Variants in NXPH2 observed in about 807,000 individuals in gnomAD.
NXPH2 encodes the protein neurexophilin-2.
A neutral mutation model predicts 19.8 loss-of-function variants in NXPH2; 5 were observed. The ratio of observed to expected loss-of-function variants is 0.25; its 90% CI spans 0.13 to 0.53. The LOEUF is 0.53. Ranked by LOEUF, NXPH2 falls within the 20% of genes least tolerant of loss-of-function variation. NXPH2 has a pLI of 0.96. For missense variants in NXPH2, 289 were observed against 322.8 expected (o/e 0.90, Z 0.80); for synonymous variants, 154 against 127.4 (o/e 1.21, Z -1.41).
chr2:138,681,841 T>A (rs892530518), intron 1 of NXPH2, among the ~76,000 whole-genome samples: 1 of 152,200 alleles, frequency 6.6e-6, no homozygotes, highest in Non-Finnish European at 1.5e-5. Context: ...AATAAGTGGT[T>A]TTCTGAATGG....
intron 1 of NXPH2, among the ~76,000 whole-genome samples, chr2:138,694,774 T>C (rs771585098): frequency 8.5e-5 from 13 of 152,188 alleles, no homozygotes; most frequent in Non-Finnish European, 1.5e-4. Flanking sequence ...AGAATATCAA[T>C]AAGTTACACA....
intron 1 of NXPH2, among the ~76,000 whole-genome samples, chr2:138,740,828 G>T (rs902873244): frequency 6.6e-6 from 1 of 151,856 alleles, no homozygotes; most frequent in African/African-American, 2.4e-5. Flanking sequence ...GTATGTATTA[G>T]GTATGAAATG....
intron 1 of NXPH2, among the ~76,000 whole-genome samples, chr2:138,705,736 C>A (rs148887245): frequency 2.0e-5 from 3 of 152,314 alleles, no homozygotes; most frequent in Non-Finnish European, 4.4e-5. Flanking sequence ...CTGCCTAGAA[C>A]TTTATTCAGT....
intron 1 of NXPH2, among the ~76,000 whole-genome samples, chr2:138,674,640 A>G (rs371960285): frequency 1.3e-5 from 2 of 152,192 alleles, no homozygotes; most frequent in African/African-American, 4.8e-5. Flanking sequence ...ATTTGGTAAT[A>G]GCCCATGGAG....
intron 1 of NXPH2, among the ~76,000 whole-genome samples, chr2:138,777,104 C>A (rs1157662722): frequency 2.6e-5 from 4 of 151,766 alleles, no homozygotes; most frequent in Admixed American, 2.6e-4. Flanking sequence ...TTTTAATCTT[C>A]TTTTTACTTA....
At chr2:138,768,682 C>T (rs562783015) in intron 1 of NXPH2, among the ~76,000 whole-genome samples, 148 of 152,330 alleles carry the variant, frequency 9.7e-4, no homozygotes, top group African/African-American at 3.3e-3. Context: ...AATTTCTTCT[C>T]TGCTTAAGTT....
chr2:138,731,141 T>G (rs1681442174), intron 1 of NXPH2, among the ~76,000 whole-genome samples: 2 of 152,210 alleles, frequency 1.3e-5, no homozygotes, highest in Admixed American at 1.3e-4. Flanking sequence ...CTGCCTCCAT[T>G]GTGCTGCTTG....
At chr2:138,755,907 T>C (rs946934843) in intron 1 of NXPH2, among the ~76,000 whole-genome samples, 2 of 152,040 alleles carry the variant, frequency 1.3e-5, no homozygotes, top group Admixed American at 1.3e-4. Context: ...AGATTTATAC[T>C]TAAATATTTC....
At chr2:138,773,212 G>C (rs566409468) in intron 1 of NXPH2, among the ~76,000 whole-genome samples, 1 of 152,328 alleles carries the variant, frequency 6.6e-6, no homozygotes, top group Admixed American at 6.5e-5. Context: ...GGTAGGAACT[G>C]AGATACAAGC....
At chr2:138,705,935 T>C (rs1057447765) in intron 1 of NXPH2, among the ~76,000 whole-genome samples, 2 of 152,216 alleles carry the variant, frequency 1.3e-5, no homozygotes, top group Non-Finnish European at 2.9e-5. Context: ...TCACTCTGAT[T>C]GTGATCCTGT....
intron 1 of NXPH2, among the ~76,000 whole-genome samples, chr2:138,763,488 T>C (rs539971121): frequency 6.6e-6 from 1 of 152,310 alleles, no homozygotes; most frequent in South Asian, 2.1e-4. Context: ...ATGTGGATGT[T>C]GTTGACTGAA....
chr2:138,721,526 A>G (rs1573966358), intron 1 of NXPH2, among the ~76,000 whole-genome samples: 1 of 152,114 alleles, frequency 6.6e-6, no homozygotes, highest in East Asian at 1.9e-4. Flanking sequence ...CCTCCTGACA[A>G]CAATATGGAG....
intron 1 of NXPH2, among the ~76,000 whole-genome samples, chr2:138,678,106 ACTTGT>A (rs1265314003): frequency 6.6e-6 from 1 of 152,200 alleles, no homozygotes; most frequent in Admixed American, 6.5e-5. Flanking sequence ...AAGATTCTCA[ACTTGT>A]CTTGGTTACA....
intron 1 of NXPH2, among the ~76,000 whole-genome samples, chr2:138,690,205 T>C (rs1188061307): frequency 6.6e-6 from 1 of 152,190 alleles, no homozygotes; most frequent in East Asian, 1.9e-4. Context: ...TTCTTCTTGA[T>C]ACCTCCCTCA....
chr2:138,702,965 A>G (rs919657298), intron 1 of NXPH2, among the ~76,000 whole-genome samples: 1 of 152,186 alleles, frequency 6.6e-6, no homozygotes, highest in African/African-American at 2.4e-5. Flanking sequence ...ACTAAATCAA[A>G]GGATGTTCTA....
At chr2:138,713,108 C>A (rs1681129372) in intron 1 of NXPH2, among the ~76,000 whole-genome samples, 1 of 152,190 alleles carries the variant, frequency 6.6e-6, no homozygotes. Context: ...CTTGCTAAGT[C>A]CCAAGGGGCC....
At chr2:138,738,217 T>G (rs1408862877) in intron 1 of NXPH2, among the ~76,000 whole-genome samples, 4 of 152,150 alleles carry the variant, frequency 2.6e-5, no homozygotes, top group Non-Finnish European at 5.9e-5. Flanking sequence ...TAAATTAAGA[T>G]TTGAGTTCTA....
intron 1 of NXPH2, among the ~76,000 whole-genome samples, chr2:138,758,039 A>G (rs753873186): frequency 9.2e-5 from 14 of 152,164 alleles, no homozygotes; most frequent in Non-Finnish European, 1.5e-4. Flanking sequence ...TGAATGAACC[A>G]AAGACGAACA....
chr2:138,746,601 T>C (rs2105009351), intron 1 of NXPH2, among the ~76,000 whole-genome samples: 1 of 152,296 alleles, frequency 6.6e-6, no homozygotes, highest in South Asian at 2.1e-4. Flanking sequence ...TTGTCAGTCC[T>C]CCAGGAAGCT....
Sources: gnomAD v4.1 joint callset for allele counts (sites outside exome capture counted in the v4.1 genomes callset) on GRCh38, gnomAD v4.1.1 for gene constraint, MANE v1.5 for transcripts, NCBI Gene and HGNC (gene_info 2026-07-23, HGNC 2026-07-21) for gene names.